Variants in MEAK7 observed in about 807,000 individuals in gnomAD.
The protein encoded by MEAK7 is MTOR-associated protein MEAK7.
In MEAK7, 68 loss-of-function variants were observed where a neutral mutation model predicts 40.5. The observed-to-expected ratio is 1.68, with a 90% CI of 1.38 to 2.06. The LOEUF (loss-of-function observed/expected upper bound fraction) is 2.06. MEAK7 is among the 30% of genes most tolerant of loss of function. MEAK7 has a pLI of 0.00. For synonymous variants in MEAK7, 338 were observed against 231.9 expected (o/e 1.46, Z -4.16); for missense variants, 918 against 580.5 (o/e 1.58, Z -5.98).
chr16:84,483,673 C>T (rs921437773), intron 5 of MEAK7, among the ~76,000 whole-genome samples: 1 of 152,170 alleles, frequency 6.6e-6, no homozygotes, highest in South Asian at 2.1e-4. Flanking sequence ...GGGCTGACAC[C>T]GCCCAAGGCT....
intron 1 of MEAK7, among the ~76,000 whole-genome samples, chr16:84,501,033 C>T (rs1368268217): frequency 5.6e-5 from 8 of 143,766 alleles, no homozygotes; most frequent in Non-Finnish European, 1.1e-4. Context: ...CAGCGGAAGT[C>T]GCAGTGAGCC....
At chr16:84,496,026 G>A (rs1012935315) in intron 2 of MEAK7, 113 bp from the exon 3 acceptor site, 113 of 1,114,594 alleles carry the variant, frequency 1.0e-4, no homozygotes, top group African/African-American at 8.7e-4. Flanking sequence ...GGAAGTTTTC[G>A]TTTTTTAAAG....
rs534868467 is a variant in MEAK7, at chr16:84,478,412, T to G, written c.*1501A>C. The stretch of plus-strand genomic sequence containing the variant: ...GTGGAAGGTTTGATGAACCTCCCAG[T>G]AGAAAATGCAAGGCCTGCAAAAATG... On this transcript the variant is annotated 3_prime_UTR_variant, in exon 8 of 8. Coordinates refer to ENST00000343629, the MANE Select transcript of MEAK7 (RefSeq NM_020947.4). The G allele has an allele frequency of 2.2e-4, 34 of 152,234 alleles. No individual in the cohort carries two copies. Among genetic ancestry groups the G allele is most frequent in the African/African-American group, 7.5e-4 (31 of 41,456 alleles). The allele number at this position is 152,234 out of a possible 1,614,324, so 9.4% of individuals were successfully genotyped here.
In MEAK7 at chr16:84,477,967, G is replaced by A. The variant is rs989687271; in HGVS notation, c.*1946C>T. 2 of 152,180 alleles carry A rather than the reference G, an allele frequency of 1.3e-5. No homozygotes were observed. Among genetic ancestry groups the A allele is most frequent in the South Asian group, 2.1e-4 (1 of 4,822 alleles). The allele number at this position is 152,180 out of a possible 1,614,324, so 9.4% of individuals were successfully genotyped here. A position where few individuals can be genotyped will look rare whatever the true frequency, so the allele number is the denominator to read the frequency against. ...AGCTCAGGGTGGAAAGCATGTGAGT[G>A]GACAAAGTCCTAACCTTTGCAGCGG... is the stretch of plus-strand genomic sequence containing the variant. On this transcript the variant is annotated 3_prime_UTR_variant, in exon 8 of 8. Coordinates refer to ENST00000343629, the MANE Select transcript of MEAK7 (RefSeq NM_020947.4).
intron 1 of MEAK7, among the ~76,000 whole-genome samples, chr16:84,503,625 T>G (rs1322605681): frequency 6.6e-6 from 1 of 152,194 alleles, no homozygotes; most frequent in African/African-American, 2.4e-5. Context: ...CCCAGGGCAT[T>G]TGATCTGCTT....
chr16:84,502,303 G>A (rs765154348), intron 1 of MEAK7, among the ~76,000 whole-genome samples: 11 of 151,682 alleles, frequency 7.3e-5, no homozygotes, highest in South Asian at 4.2e-4. Flanking sequence ...GGGGAGTGCC[G>A]TTGGCATCTA....
intron 5 of MEAK7, among the ~76,000 whole-genome samples, chr16:84,484,508 T>C (rs1015233316): frequency 6.6e-6 from 1 of 152,198 alleles, no homozygotes; most frequent in Non-Finnish European, 1.5e-5. Context: ...TTTTCAATGA[T>C]TGCACAGAAA....
chr16:84,497,601 T>A, intron 2 of MEAK7: 1 of 1,323,512 alleles, frequency 7.6e-7, no homozygotes, highest in Non-Finnish European at 9.9e-7. Context: ...GTTAGAAATG[T>A]CCCCAAATGT....
At position 84,498,044 on chromosome 16, in the gene MEAK7, G is replaced by C. The variant is rs180802899; in HGVS notation, c.43C>G (p.Gln15Glu). Residue 15 changes from glutamine (Q) to glutamate (E), a missense_variant, in exon 2 of 8, where the codon CAG becomes GAG. Transcript: ENST00000343629. ...RSRVGRSFCS[Q>E]FLPEEQAEID... ...TCTGCCTGTTCCTCAGGAAGAAACT[G>C]TGAACAAAAGCTCCGCCCCACACGG... 6 of 1,612,024 alleles carry C rather than the reference G, an allele frequency of 3.7e-6. No individual in the cohort carries two copies. The East Asian group carries it at 1.3e-4, about 36-fold the overall frequency.
rs146486320 is a variant in MEAK7, at chr16:84,482,682, G to T, written c.987C>A (p.Ile329=). The change falls in exon 6 of 8, where the codon ATC becomes ATA. Residue 329 remains isoleucine, a synonymous_variant. Coordinates refer to ENST00000343629, the MANE Select transcript of MEAK7 (RefSeq NM_020947.4). ...QGDNRCFLFS[I]CPSMAVYTHT... ...GTGTGTACACAGCCATGCTGGGGCA[G>T]ATGGAGAACAGGAAGCATCTGTTGT... 8 of 1,614,116 alleles carry T rather than the reference G, an allele frequency of 5.0e-6. No individual in the cohort carries two copies. The African/African-American group carries it at 1.1e-4, about 22-fold the overall frequency.
intron 6 of MEAK7, among the ~76,000 whole-genome samples, chr16:84,481,868 A>G (rs535339521): frequency 3.1e-4 from 47 of 152,242 alleles, no homozygotes; most frequent in African/African-American, 1.1e-3. Flanking sequence ...TGGGAGGCGG[A>G]GCTTGCAGTG....
rs758736603 is a variant in MEAK7 at position 84,498,014 on chromosome 16, C to T, written c.73G>A (p.Asp25Asn). Residue 25 changes from aspartate (D) to asparagine (N), a missense_variant, in exon 2 of 8, where the codon GAT becomes AAT. Physicochemically the swap from Asp to Asn is conservative, Grantham distance 23. Coordinates refer to ENST00000343629, the MANE Select transcript of MEAK7 (RefSeq NM_020947.4). ...QFLPEEQAEI[D>N]QLFDALSSDK... ...GATGACAGAGCATCAAACAATTGATCAATCTCTGCCTGTTCCTCAGGAAGA... is the reference window on the plus strand; with the variant it reads ...GATGACAGAGCATCAAACAATTGATTAATCTCTGCCTGTTCCTCAGGAAGA... The T allele has an allele frequency of 1.2e-6, 2 of 1,614,180 alleles. No homozygotes were observed. Among genetic ancestry groups the T allele is most frequent in the Non-Finnish European group, 1.7e-6 (2 of 1,180,024 alleles).
intron 5 of MEAK7, among the ~76,000 whole-genome samples, chr16:84,484,829 T>G (rs957254604): frequency 1.3e-5 from 2 of 152,236 alleles, no homozygotes; most frequent in African/African-American, 4.8e-5. Context: ...CTGCTGTTGT[T>G]TCGTGAGTAT....
intron 1 of MEAK7, among the ~76,000 whole-genome samples, chr16:84,498,459 G>C (rs1914240934): frequency 6.6e-6 from 1 of 150,564 alleles, no homozygotes; most frequent in Non-Finnish European, 1.5e-5. Context: ...GTCTTCTGTA[G>C]AGATGGGGTC....
rs749131824 is a variant in MEAK7 at position 84,478,409 on chromosome 16, C to T, written c.*1504G>A. On this transcript the variant is annotated 3_prime_UTR_variant, in exon 8 of 8. Transcript: ENST00000343629. ...TAAGTGGAAGGTTTGATGAACCTCC[C>T]AGTAGAAAATGCAAGGCCTGCAAAA... is the stretch of plus-strand genomic sequence containing the variant. 2.0e-5 allele frequency: 3 copies of T among 152,160 alleles called. No homozygotes were observed. The highest frequency in any genetic ancestry group is 4.4e-5 in the Non-Finnish European group (3 of 68,042). The allele number at this position is 152,160 out of a possible 1,614,324, so 9.4% of individuals were successfully genotyped here.
At chr16:84,495,486 ATCATCTT>A in intron 3 of MEAK7, 190 bp downstream of exon 3, 2 of 595,626 alleles carry the variant, frequency 3.4e-6, no homozygotes, top group South Asian at 4.1e-5. Context: ...AGCCCTCAAA[ATCATCTT>A]TGGAGAAAGG....
intron 1 of MEAK7, among the ~76,000 whole-genome samples, chr16:84,499,252 C>G (rs1450991245): frequency 1.3e-5 from 2 of 152,192 alleles, no homozygotes; most frequent in African/African-American, 2.4e-5. Context: ...AAAAATCTCT[C>G]AAGAGGTAAG....
chr16:84,498,017 T>C lies in MEAK7; in HGVS notation c.70A>G (p.Ile24Val). ...SQFLPEEQAE[I>V]DQLFDALSSD... ...GACAGAGCATCAAACAATTGATCAA[T>C]CTCTGCCTGTTCCTCAGGAAGAAAC... The change falls in exon 2 of 8, where the codon ATT becomes GTT. Residue 24 changes from isoleucine (I) to valine (V), a missense_variant. Physicochemically the swap from Ile to Val is conservative, Grantham distance 29. Coordinates refer to ENST00000343629, the MANE Select transcript of MEAK7 (RefSeq NM_020947.4). 1 of 1,614,132 alleles carries C rather than the reference T, an allele frequency of 6.2e-7. No individual in the cohort carries two copies. Among genetic ancestry groups the C allele is most frequent in the Non-Finnish European group, 8.5e-7 (1 of 1,180,030 alleles).
chr16:84,481,709 G>A (rs1011773119), intron 6 of MEAK7, among the ~76,000 whole-genome samples: 4 of 152,140 alleles, frequency 2.6e-5, no homozygotes, highest in African/African-American at 9.7e-5. Flanking sequence ...CAAGGCGGGT[G>A]GATCACGAGG....
Sources: allele counts gnomAD v4.1 joint callset (sites outside exome capture counted in the v4.1 genomes callset), GRCh38; gene constraint gnomAD v4.1.1; transcripts MANE v1.5; gene names NCBI Gene and HGNC (gene_info 2026-07-23, HGNC 2026-07-21).